TFRC: variants seen among roughly 807,000 people sequenced by gnomAD.
The protein encoded by TFRC is transferrin receptor protein 1.
Under a neutral mutation model 85.8 loss-of-function variants are expected in TFRC, and 35 were observed. The ratio of observed to expected loss-of-function variants is 0.41; its 90% CI spans 0.31 to 0.54. The LOEUF (loss-of-function observed/expected upper bound fraction) is 0.54, where lower values mean the gene tolerates loss of function less well. TFRC is among the 20% of genes least tolerant of loss of function. TFRC has a pLI of 0.31. For synonymous variants in TFRC, 362 were observed against 328.6 expected (o/e 1.10, Z -1.10); for missense variants, 828 against 921.5 (o/e 0.90, Z 1.31).
chr3:196,063,153 A>C, intron 11 of TFRC: 2 of 473,546 alleles, frequency 4.2e-6, no homozygotes, highest in Admixed American at 3.7e-5. Context: ...TTTTTTTTAA[A>C]GTAACCTACA....
At chr3:196,076,611 A>G (rs1263440551) in intron 2 of TFRC, among the ~76,000 whole-genome samples, 4 of 150,900 alleles carry the variant, frequency 2.7e-5, no homozygotes. Flanking sequence ...CATGACACTC[A>G]GCTAATTTTT....
Position 196,066,062 on chromosome 3 carries a change from G to A in TFRC, c.1041-462C>T, listed in dbSNP as rs180764711. Among the ~76,000 whole-genome samples the A allele has an allele frequency of 9.9e-5, 15 of 151,956 alleles. No individual in the cohort carries two copies. In the East Asian group the frequency reaches 1.7e-3, roughly 18 times the overall value. On this transcript the variant is annotated intron_variant, in intron 9 of 18. Transcript: ENST00000360110. ...TACTCTCTAGTGGTGAACCATTTGCGTCTTACTTTGATCTGCAGGCAGCCA... is the reference window on the plus strand; with the variant it reads ...TACTCTCTAGTGGTGAACCATTTGCATCTTACTTTGATCTGCAGGCAGCCA...
chr3:196,079,602 G>A (rs1037443602), intron 1 of TFRC, among the ~76,000 whole-genome samples: 1 of 152,118 alleles, frequency 6.6e-6, no homozygotes, highest in East Asian at 1.9e-4. Flanking sequence ...GGCAACAAGC[G>A]TGAAACTCTG....
Position 196,050,144 on chromosome 3 carries a change from G to A in TFRC, c.*1798C>T, listed in dbSNP as rs1716193068. On this transcript the variant is annotated 3_prime_UTR_variant, in exon 19 of 19. Transcript: ENST00000360110. ...AAAGGTCAATTCTGGATTAAAACTT[G>A]TCCGCACTAAGTTTATAGGAGGTAA... The A allele has an allele frequency of 4.3e-6, 1 of 230,228 alleles. No individual in the cohort carries two copies. The highest frequency in any genetic ancestry group is 6.2e-5 in the East Asian group (1 of 16,220). The allele number at this position is 230,228 out of a possible 1,614,324, so 14.3% of individuals were successfully genotyped here. A position where few individuals can be genotyped will look rare whatever the true frequency, so the allele number is the denominator to read the frequency against.
rs760082541 is a variant in TFRC, at chr3:196,058,640, A to G, written c.1537-8T>C. 4.2e-5 allele frequency: 68 copies of G among 1,605,054 alleles called. No homozygotes were observed. The South Asian group carries it at 6.7e-4, about 16-fold the overall frequency. On this transcript the variant is annotated splice_region_variant and splice_polypyrimidine_tract_variant and intron_variant, in intron 14 of 18. Coordinates refer to ENST00000360110, the MANE Select transcript of TFRC (RefSeq NM_001128148.3). ...AGTAACCGGATGCTTCACCTGTAAG[A>G]TAAGAAATTATCATTAAAACTAACC...
intron 16 of TFRC, chr3:196,055,648 C>T (rs1716715929): frequency 3.0e-6 from 1 of 337,822 alleles, no homozygotes. Context: ...AGAGAAGATA[C>T]ATGAAACATA....
intron 18 of TFRC, 42 bp from the exon 19 acceptor site, chr3:196,052,226 C>T: frequency 6.4e-7 from 1 of 1,568,138 alleles, no homozygotes; most frequent in Middle Eastern, 1.8e-4. Flanking sequence ...AGCCCTGTGA[C>T]TTTTGTAGTA....
In TFRC at chr3:196,071,498, G is replaced by A. The variant is rs752438422; in HGVS notation, c.585C>T (p.Ser195=). 26 of 1,613,554 alleles carry A rather than the reference G, an allele frequency of 1.6e-5. No individual in the cohort carries two copies. The highest frequency in any genetic ancestry group is 5.0e-5 in the Admixed American group (3 of 59,974). The change falls in exon 6 of 19, where the codon AGC becomes AGT. Residue 195 remains serine (S), a splice_region_variant and synonymous_variant. Transcript: ENST00000360110. The part of the protein sequence containing the change: ...QHFVKIQVKD[S]AQNSVIIVDK... ...CAACTATGATCACCGAGTTTTGAGC[G>A]CTGTTAAAAAGATTAAGTTAAAATA...
At position 196,051,264 on chromosome 3, in the gene TFRC, G is replaced by A. The variant is rs565574322; in HGVS notation, c.*678C>T. On this transcript the variant is annotated 3_prime_UTR_variant, in exon 19 of 19. Coordinates refer to ENST00000360110, the MANE Select transcript of TFRC (RefSeq NM_001128148.3). ...GAGGCTTATGGGGGAAGGGACAGAGGAAAAGAAAATATACTAAGTCTTTGG... is the reference window on the plus strand; with the variant it reads ...GAGGCTTATGGGGGAAGGGACAGAGAAAAAGAAAATATACTAAGTCTTTGG... 4.6e-6 allele frequency: 1 copy of A among 219,566 alleles called. No individual in the cohort carries two copies. Among genetic ancestry groups the A allele is most frequent in the African/African-American group, 2.2e-5 (1 of 44,714 alleles). 13.6% of individuals were successfully genotyped at this position (219,566 alleles called of 1,614,324 possible). A position where few individuals can be genotyped will look rare whatever the true frequency, so the allele number is the denominator to read the frequency against.
At chr3:196,066,687 T>C (rs1374002910) in intron 9 of TFRC, among the ~76,000 whole-genome samples, 3 of 152,186 alleles carry the variant, frequency 2.0e-5, no homozygotes, top group African/African-American at 7.2e-5. Context: ...TCAATAGTCA[T>C]GGTATGTTAC....
At chr3:196,071,963 G>A (rs558256612) in intron 5 of TFRC, 40 bp downstream of exon 5, 3 of 1,591,840 alleles carry the variant, frequency 1.9e-6, no homozygotes, top group Non-Finnish European at 2.6e-6. Flanking sequence ...CCTGAAAATA[G>A]CTACTTGTAT....
chr3:196,065,418 G>GGGT, intron 10 of TFRC, 25 bp downstream of exon 10: 2 of 6,884 alleles, frequency 2.9e-4, no homozygotes, highest in Non-Finnish European at 5.0e-4. Context: ...AAAGCGGGGC[G>GGGT]GGGGGGGGGG....
intron 16 of TFRC, chr3:196,055,554 T>C (rs1716708225): frequency 1.8e-6 from 1 of 545,138 alleles, no homozygotes. Flanking sequence ...TATCGTATCA[T>C]ATGCCCTGAA....
At position 196,058,714 on chromosome 3, in the gene TFRC, C is replaced by T. The variant is rs904271649; in HGVS notation, c.1537-82G>A. 1.7e-5 allele frequency: 15 copies of T among 902,994 alleles called. No homozygotes were observed. The African/African-American group carries it at 2.5e-4, about 15-fold the overall frequency. The allele number at this position is 902,994 out of a possible 1,614,324, so 55.9% of individuals were successfully genotyped here. ...TAGTCACTAACATGTTACTCTATAA[C>T]AATTTTTAAATAAAAAACTTGTATT... is the stretch of plus-strand genomic sequence containing the variant. On this transcript the variant is annotated intron_variant, in intron 14 of 18. Transcript: ENST00000360110.
chr3:196,075,124 T>A (rs896160884), intron 3 of TFRC, 35 bp downstream of exon 3: 2 of 1,597,528 alleles, frequency 1.3e-6, no homozygotes, highest in Non-Finnish European at 1.7e-6. Context: ...GAGTTGGTTA[T>A]AGAAAACATT....
chr3:196,075,423 A>T, intron 2 of TFRC, 63 bp from the exon 3 acceptor site: 1 of 1,522,928 alleles, frequency 6.6e-7, no homozygotes, highest in Admixed American at 1.7e-5. Flanking sequence ...AAGCTCGTTT[A>T]GGTATATGCT....
At chr3:196,058,425 G>C in intron 15 of TFRC, 60 bp from the exon 16 acceptor site, 1 of 1,527,672 alleles carries the variant, frequency 6.5e-7, no homozygotes, top group Non-Finnish European at 9.0e-7. Context: ...GTTCTATCGT[G>C]CTAGTCCCCC....
intron 7 of TFRC, 79 bp downstream of exon 7, chr3:196,069,373 GAAT>G: frequency 1.3e-6 from 1 of 797,710 alleles, no homozygotes; most frequent in Non-Finnish European, 2.0e-6. Flanking sequence ...CAGAATGTAA[GAAT>G]ATTAACAAGA....
intron 18 of TFRC, 52 bp downstream of exon 18, chr3:196,053,365 TA>T: frequency 6.2e-7 from 1 of 1,600,774 alleles, no homozygotes; most frequent in African/African-American, 1.3e-5. Context: ...GTGTAAGATT[TA>T]TCGGTTATTT....
Sources: allele counts gnomAD v4.1 joint callset (sites outside exome capture counted in the v4.1 genomes callset), GRCh38; gene constraint gnomAD v4.1.1; transcripts MANE v1.5; gene names NCBI Gene and HGNC (gene_info 2026-07-23, HGNC 2026-07-21).